Variants in MARCHF1 observed in about 807,000 individuals in gnomAD.
The protein encoded by MARCHF1 is E3 ubiquitin-protein ligase MARCHF1.
MARCHF1 carries 40 observed loss-of-function variants against 54.2 expected under a neutral mutation model. That is an observed-to-expected ratio of 0.74 (90% CI 0.57 to 0.96). The LOEUF is 0.96. Among genes scored for constraint, MARCHF1 ranks in the 40% least tolerant of loss-of-function variants. The probability of loss-of-function intolerance (pLI) is 0.00; values close to 1 mark genes in which losing one functional copy is unlikely to be tolerated. For synonymous variants in MARCHF1, 236 were observed against 236.3 expected (o/e 1.00, Z 0.01); for missense variants, 586 against 656.5 (o/e 0.89, Z 1.17).
chr4:164,098,507 A>C (rs572106679), intron 2 of MARCHF1, among the ~76,000 whole-genome samples: 1 of 152,338 alleles, frequency 6.6e-6, no homozygotes, highest in South Asian at 2.1e-4. Context: ...TTCATGGTGT[A>C]CTTCAGTCTT....
At chr4:164,085,913 T>A (rs1376772273) in intron 2 of MARCHF1, among the ~76,000 whole-genome samples, 2 of 151,750 alleles carry the variant, frequency 1.3e-5, no homozygotes, top group African/African-American at 2.4e-5. Flanking sequence ...TATGAAAAAA[T>A]AAATCTTGGC....
At chr4:163,828,773 G>A (rs776711605) in intron 4 of MARCHF1, 3 of 152,122 alleles carry the variant, frequency 2.0e-5, no homozygotes, top group East Asian at 1.9e-4. Context: ...CATGTAAGTC[G>A]GTGTTGTATA....
At chr4:163,871,427 T>G (rs1230783792) in intron 3 of MARCHF1, among the ~76,000 whole-genome samples, 4 of 152,138 alleles carry the variant, frequency 2.6e-5, no homozygotes, top group African/African-American at 9.7e-5. Flanking sequence ...CCTAATACCA[T>G]CTTTACCAAT....
At chr4:164,028,926 T>C (rs185558495) in intron 2 of MARCHF1, among the ~76,000 whole-genome samples, 198 of 152,306 alleles carry the variant, frequency 1.3e-3, no homozygotes, top group Non-Finnish European at 2.3e-3. Context: ...ATAATAAACC[T>C]TATTGAATTT....
At chr4:163,936,151 G>A (rs1469294683) in intron 3 of MARCHF1, among the ~76,000 whole-genome samples, 6 of 152,108 alleles carry the variant, frequency 3.9e-5, no homozygotes, top group Non-Finnish European at 5.9e-5. Flanking sequence ...ACAGTCTTAT[G>A]TAGGCATGAT....
At chr4:163,685,989 A>G (rs1347225155) in intron 5 of MARCHF1, among the ~76,000 whole-genome samples, 5 of 152,164 alleles carry the variant, frequency 3.3e-5, no homozygotes, top group African/African-American at 1.2e-4. Context: ...ATTATTTAGT[A>G]TAAGTCTTAG....
chr4:163,709,197 T>G (rs1242996875), intron 4 of MARCHF1, among the ~76,000 whole-genome samples: 1 of 152,186 alleles, frequency 6.6e-6, no homozygotes, highest in African/African-American at 2.4e-5. Context: ...TTACCTTTAG[T>G]CCTTAGCATG....
chr4:163,553,032 C>CAAA (rs778572383), intron 8 of MARCHF1, among the ~76,000 whole-genome samples: 1,114 of 64,322 alleles, frequency 0.017, 25 homozygotes, highest in African/African-American at 0.049. Flanking sequence ...GACTCCGTCT[C>CAAA]AAAAAAAAAA....
At chr4:163,723,727 T>C (rs1014513926) in intron 4 of MARCHF1, among the ~76,000 whole-genome samples, 3 of 152,174 alleles carry the variant, frequency 2.0e-5, no homozygotes, top group African/African-American at 7.2e-5. Flanking sequence ...TCATGTCTTT[T>C]TACTCTTTTT....
At chr4:164,186,116 C>A (rs1317448908) in intron 1 of MARCHF1, among the ~76,000 whole-genome samples, 1 of 152,156 alleles carries the variant, frequency 6.6e-6, no homozygotes. Flanking sequence ...TGGTCTCGAA[C>A]TTCTGACATC....
intron 1 of MARCHF1, among the ~76,000 whole-genome samples, chr4:164,353,852 T>G (rs1399384410): frequency 1.4e-5 from 2 of 141,394 alleles, no homozygotes; most frequent in African/African-American, 2.6e-5. Context: ...TCAACAAAAT[T>G]GATAGACTGC....
intron 5 of MARCHF1, among the ~76,000 whole-genome samples, chr4:163,684,834 A>G (rs1294561793): frequency 6.6e-6 from 1 of 152,236 alleles, no homozygotes; most frequent in African/African-American, 2.4e-5. Flanking sequence ...AAACATCAGT[A>G]TATCCAACAT....
chr4:164,121,421 G>C (rs574424043), intron 1 of MARCHF1, among the ~76,000 whole-genome samples: 127 of 152,210 alleles, frequency 8.3e-4, no homozygotes, highest in African/African-American at 3.0e-3. Context: ...AATCATGGTG[G>C]AAGGGGAAGA....
At chr4:163,683,138 GT>G in intron 5 of MARCHF1, among the ~76,000 whole-genome samples, 1 of 152,168 alleles carries the variant, frequency 6.6e-6, no homozygotes, top group Admixed American at 6.6e-5. Flanking sequence ...GTATTAGTCT[GT>G]TTTCACACTG....
chr4:163,702,807 C>T (rs1744846011), intron 4 of MARCHF1, among the ~76,000 whole-genome samples: 1 of 152,144 alleles, frequency 6.6e-6, no homozygotes, highest in African/African-American at 2.4e-5. Flanking sequence ...TAAGGTCAGG[C>T]ATTGAAATAA....
intron 4 of MARCHF1, among the ~76,000 whole-genome samples, chr4:163,770,117 C>G (rs940351285): frequency 6.6e-6 from 1 of 151,854 alleles, no homozygotes; most frequent in African/African-American, 2.4e-5. Context: ...AAATAATAAT[C>G]ACATACAAAA....
chr4:163,773,535 T>G (rs1326474222), intron 4 of MARCHF1, among the ~76,000 whole-genome samples: 1 of 152,180 alleles, frequency 6.6e-6, no homozygotes, highest in African/African-American at 2.4e-5. Context: ...TTGCTAATAG[T>G]GAAGACTCTC....
intron 2 of MARCHF1, among the ~76,000 whole-genome samples, chr4:164,034,037 A>G (rs550456768): frequency 1.3e-5 from 2 of 151,760 alleles, no homozygotes; most frequent in Non-Finnish European, 2.9e-5. Context: ...ATGCCCATCA[A>G]TGATAGACTG....
chr4:163,747,202 G>A (rs1746387870), intron 4 of MARCHF1, among the ~76,000 whole-genome samples: 1 of 152,180 alleles, frequency 6.6e-6, no homozygotes. Flanking sequence ...ACTTAGATGA[G>A]GGGAAAAATA....
Sources: gnomAD v4.1 joint callset for allele counts (sites outside exome capture counted in the v4.1 genomes callset) on GRCh38, gnomAD v4.1.1 for gene constraint, MANE v1.5 for transcripts, NCBI Gene and HGNC (gene_info 2026-07-23, HGNC 2026-07-21) for gene names.